Variants in ACSM6 observed in about 807,000 individuals in gnomAD.
ACSM6 encodes the protein acyl-CoA synthetase medium chain family member 6.
Under a neutral mutation model 51.1 loss-of-function variants are expected in ACSM6, and 35 were observed. The ratio of observed to expected loss-of-function variants is 0.69; its 90% CI spans 0.52 to 0.91. ACSM6 has a LOEUF of 0.91. Ranked by LOEUF, ACSM6 falls within the 40% of genes least tolerant of loss-of-function variation. The probability of loss-of-function intolerance (pLI) is 0.00; values close to 1 mark genes in which losing one functional copy is unlikely to be tolerated. For synonymous variants in ACSM6, 172 were observed against 207.3 expected (o/e 0.83, Z 1.46); for missense variants, 509 against 584.1 (o/e 0.87, Z 1.32).
intron 9 of ACSM6, among the ~76,000 whole-genome samples, chr10:95,223,763 G>C (rs2133394090): frequency 6.6e-6 from 1 of 152,024 alleles, no homozygotes; most frequent in South Asian, 2.1e-4. Context: ...CTGAGATCAG[G>C]ACTTATGAGA....
chr10:95,195,854 C>T (rs1282903872), intron 2 of ACSM6, among the ~76,000 whole-genome samples: 1 of 152,202 alleles, frequency 6.6e-6, no homozygotes, highest in Non-Finnish European at 1.5e-5. Flanking sequence ...GTTTAGGAGA[C>T]TTAATTTTTA....
intron 8 of ACSM6, among the ~76,000 whole-genome samples, chr10:95,219,508 T>A (rs1337469153): frequency 6.6e-6 from 1 of 152,236 alleles, no homozygotes; most frequent in Non-Finnish European, 1.5e-5. Context: ...CTACCATTTG[T>A]TCCAATTAAG....
intron 3 of ACSM6, 67 bp from the exon 4 acceptor site, chr10:95,207,141 G>C: frequency 6.7e-7 from 1 of 1,498,502 alleles, no homozygotes; most frequent in Non-Finnish European, 9.2e-7. Context: ...ATGCCTGCCA[G>C]AATGCTTGAG....
intron 2 of ACSM6, among the ~76,000 whole-genome samples, chr10:95,198,348 T>C (rs2034756644): frequency 6.6e-6 from 1 of 152,040 alleles, no homozygotes; most frequent in Admixed American, 6.6e-5. Flanking sequence ...AAAGATATTA[T>C]AGAACAAAAA....
At chr10:95,211,358 C>G (rs1383508868) in intron 5 of ACSM6, among the ~76,000 whole-genome samples, 1 of 152,210 alleles carries the variant, frequency 6.6e-6, no homozygotes, top group Non-Finnish European at 1.5e-5. Flanking sequence ...CTTGGTTTGT[C>G]TGGGGTTAAG....
intron 9 of ACSM6, among the ~76,000 whole-genome samples, chr10:95,221,501 C>T (rs774780424): frequency 3.9e-5 from 6 of 151,914 alleles, no homozygotes; most frequent in Non-Finnish European, 7.4e-5. Flanking sequence ...CAGGAGAATC[C>T]CTTGAACTCA....
intron 8 of ACSM6, among the ~76,000 whole-genome samples, chr10:95,216,402 C>T (rs958693931): frequency 6.6e-6 from 1 of 152,032 alleles, no homozygotes; most frequent in African/African-American, 2.4e-5. Flanking sequence ...AGATCAGGAT[C>T]AAGGAAGGAA....
rs746581821 is a variant in ACSM6, at chr10:95,219,986, T to C, written c.1200+15T>C. ...ATATTGTCCAGGTAGGAGATCATAG[T>C]AATGATTATGACAGATATTATTAAG... On this transcript the variant is annotated intron_variant, in intron 9 of 10. Coordinates refer to ENST00000341686, the Ensembl canonical transcript of ACSM6. 1 of 1,576,466 alleles carries C rather than the reference T, an allele frequency of 6.3e-7. No individual in the cohort carries two copies.
intron 2 of ACSM6, among the ~76,000 whole-genome samples, chr10:95,197,732 G>T (rs2034748040): frequency 6.6e-6 from 1 of 152,200 alleles, no homozygotes; most frequent in African/African-American, 2.4e-5. Context: ...AACTGCAAGA[G>T]GCTTTCCTCT....
At chr10:95,223,245 T>C (rs1287424173) in intron 9 of ACSM6, among the ~76,000 whole-genome samples, 3 of 151,754 alleles carry the variant, frequency 2.0e-5, no homozygotes, top group Admixed American at 1.3e-4. Flanking sequence ...CTATCTAACA[T>C]TTAAGGAAGC....
At position 95,194,327 on chromosome 10, in the gene ACSM6, T is replaced by G. The variant is rs149290267; in HGVS notation, c.-22+24T>G. 302 of 663,168 alleles carry G rather than the reference T, an allele frequency of 4.6e-4. 3 individuals carry two copies. In the East Asian group the frequency reaches 7.3e-3, roughly 16 times the overall value. 41.1% of individuals were successfully genotyped at this position (663,168 alleles called of 1,614,324 possible). ...TGGTAAGTATCTGTGCTCATGGGCT[T>G]CTTCTCCAATGATCTGACTGTTGCT... is the stretch of plus-strand genomic sequence containing the variant. On this transcript the variant is annotated intron_variant, in intron 1 of 10. Coordinates refer to ENST00000341686, the Ensembl canonical transcript of ACSM6.
intron 10 of ACSM6, chr10:95,225,757 C>T (rs371429726): frequency 7.7e-4 from 123 of 159,704 alleles, no homozygotes; most frequent in Middle Eastern, 3.1e-3. Flanking sequence ...AATATCTAGC[C>T]AATACTTAGA....
At chr10:95,211,126 T>C (rs897100918) in intron 5 of ACSM6, among the ~76,000 whole-genome samples, 2 of 152,204 alleles carry the variant, frequency 1.3e-5, no homozygotes, top group African/African-American at 2.4e-5. Flanking sequence ...TTGACCACTA[T>C]ATGTAGTGAT....
chr10:95,216,882 A>G (rs2034950294), intron 8 of ACSM6, among the ~76,000 whole-genome samples: 2 of 152,250 alleles, frequency 1.3e-5, no homozygotes, highest in Non-Finnish European at 1.5e-5. Flanking sequence ...TTCTGGAAGG[A>G]AAGAGTCAGG....
exon 8 of ACSM6, chr10:95,214,970 G>A (rs1027356567): frequency 6.4e-7 from 1 of 1,551,504 alleles, no homozygotes. Flanking sequence ...TGGGCAGACG[G>A]AAACTGTAGG....
intron 2 of ACSM6, among the ~76,000 whole-genome samples, chr10:95,200,836 C>T (rs757504151): frequency 6.8e-6 from 1 of 147,424 alleles, no homozygotes; most frequent in South Asian, 2.2e-4. Context: ...AGAGAGAGGA[C>T]AGAAAGGAGG....
chr10:95,197,134 A>G (rs1268474288), intron 2 of ACSM6, among the ~76,000 whole-genome samples: 1 of 151,874 alleles, frequency 6.6e-6, no homozygotes, highest in African/African-American at 2.4e-5. Flanking sequence ...ACATACATAA[A>G]CTCTTGGTAT....
At chr10:95,223,783 C>T (rs182230252) in intron 9 of ACSM6, among the ~76,000 whole-genome samples, 60 of 152,086 alleles carry the variant, frequency 3.9e-4, no homozygotes, top group Admixed American at 8.5e-4. Context: ...AATATTCACT[C>T]TTCATAGAGG....
chr10:95,210,784 A>G (rs1277634207), exon 5 of ACSM6: 1 of 1,613,684 alleles, frequency 6.2e-7, no homozygotes. Flanking sequence ...GGATTCAGCC[A>G]GGCTTCCAGG....
Sources: gnomAD v4.1 joint callset for allele counts (sites outside exome capture counted in the v4.1 genomes callset) on GRCh38, gnomAD v4.1.1 for gene constraint, MANE v1.5 for transcripts, NCBI Gene and HGNC (gene_info 2026-07-23, HGNC 2026-07-21) for gene names.